PLXDC2: variants seen among roughly 807,000 people sequenced by gnomAD.
The protein encoded by PLXDC2 is plexin domain-containing protein 2.
In PLXDC2, 40 loss-of-function variants were observed where a neutral mutation model predicts 68.9. The ratio of observed to expected loss-of-function variants is 0.58; its 90% confidence interval spans 0.45 to 0.76. The LOEUF is 0.76. Ranked by LOEUF, PLXDC2 falls within the 30% of genes least tolerant of loss-of-function variation. PLXDC2 has a pLI of 0.00. For synonymous variants in PLXDC2, 243 were observed against 234.2 expected, an observed-to-expected ratio of 1.04 and a Z score of -0.34; for missense variants, 644 against 661.9, an observed-to-expected ratio of 0.97 and a Z score of 0.30.
intron 1 of PLXDC2, among the ~76,000 whole-genome samples, chr10:19,835,222 C>T (rs912047830): frequency 3.3e-5 from 5 of 152,274 alleles, no homozygotes; most frequent in Middle Eastern, 3.4e-3. Flanking sequence ...TGAGCCACCG[C>T]ACCCAGACAG....
At chr10:20,099,053 A>G (rs1400990690) in intron 4 of PLXDC2, among the ~76,000 whole-genome samples, 1 of 152,172 alleles carries the variant, frequency 6.6e-6, no homozygotes, top group Non-Finnish European at 1.5e-5. Flanking sequence ...AACAACTGTC[A>G]TTTTCAGACT....
chr10:19,919,381 G>A (rs1273535502), intron 1 of PLXDC2, among the ~76,000 whole-genome samples: 1 of 151,978 alleles, frequency 6.6e-6, no homozygotes. Flanking sequence ...TAACAGGAAT[G>A]CAGCTTGCTG....
chr10:20,234,163 A>C (rs867861110), intron 12 of PLXDC2, among the ~76,000 whole-genome samples: 2 of 152,246 alleles, frequency 1.3e-5, no homozygotes, highest in African/African-American at 4.8e-5. Context: ...AGGGAACCTT[A>C]ACTTCTTCTT....
At chr10:20,021,550 C>G (rs939735705) in intron 2 of PLXDC2, among the ~76,000 whole-genome samples, 10 of 151,978 alleles carry the variant, frequency 6.6e-5, no homozygotes, top group Non-Finnish European at 1.5e-4. Context: ...CATATTAATC[C>G]TCATCCTGAC....
At position 19,979,243 on chromosome 10, in the gene PLXDC2, G is replaced by A. The variant is rs182933566; in HGVS notation, c.113-22532G>A. 6.8e-4 allele frequency among the ~76,000 whole-genome samples: 104 copies of A among 152,254 alleles called. 2 individuals are homozygous for A. Among genetic ancestry groups the A allele is most frequent in the African/African-American group, 2.3e-3 (95 of 41,556 alleles). On this transcript the variant is annotated intron_variant, in intron 1 of 13. Transcript: ENST00000377252. ...AAAGCCAATTTTGTGATACCTCTGC[G>A]TGATACTAACTTTGTGCCTCCTGAG...
intron 4 of PLXDC2, among the ~76,000 whole-genome samples, chr10:20,082,309 C>T (rs1159112464): frequency 2.0e-5 from 3 of 151,558 alleles, no homozygotes; most frequent in African/African-American, 7.3e-5. Context: ...ACAAAGGTAT[C>T]ATACCTTTGT....
chr10:20,243,780 C>T (rs1279765388), intron 12 of PLXDC2, among the ~76,000 whole-genome samples: 1 of 152,120 alleles, frequency 6.6e-6, no homozygotes, highest in Admixed American at 6.5e-5. Context: ...TTATTGAGGC[C>T]GGGTGCAAAG....
At chr10:20,178,664 A>G (rs539898003) in intron 9 of PLXDC2, among the ~76,000 whole-genome samples, 2 of 152,264 alleles carry the variant, frequency 1.3e-5, no homozygotes, top group South Asian at 4.1e-4. Flanking sequence ...GGAATACTTT[A>G]AAACTTATTG....
At chr10:20,224,099 A>G (rs1353062703) in intron 12 of PLXDC2, among the ~76,000 whole-genome samples, 1 of 151,078 alleles carries the variant, frequency 6.6e-6, no homozygotes, top group Non-Finnish European at 1.5e-5. Context: ...TCAGCCTCCC[A>G]AGTAGCTGGG....
chr10:19,924,763 A>G (rs182422112), intron 1 of PLXDC2, among the ~76,000 whole-genome samples: 92 of 152,358 alleles, frequency 6.0e-4, no homozygotes, highest in African/African-American at 2.0e-3. Context: ...TGGTAAAGAC[A>G]TTCAACTTCT....
At chr10:20,116,265 C>T (rs1259029607) in intron 4 of PLXDC2, among the ~76,000 whole-genome samples, 1 of 152,114 alleles carries the variant, frequency 6.6e-6, no homozygotes, top group African/African-American at 2.4e-5. Flanking sequence ...TTCTTTTTCC[C>T]CCCCGGAAAA....
chr10:19,959,268 A>G (rs1834119037), intron 1 of PLXDC2, among the ~76,000 whole-genome samples: 2 of 152,216 alleles, frequency 1.3e-5, no homozygotes, highest in South Asian at 4.1e-4. Context: ...TAATAAAGAT[A>G]CCTGGAATGA....
intron 4 of PLXDC2, among the ~76,000 whole-genome samples, chr10:20,068,823 GTTAGT>G (rs1166071136): frequency 6.6e-6 from 1 of 151,944 alleles, no homozygotes; most frequent in Non-Finnish European, 1.5e-5. Context: ...AAGCTTGGAG[GTTAGT>G]TTAGAGATTA....
intron 9 of PLXDC2, among the ~76,000 whole-genome samples, chr10:20,196,724 G>C (rs1834842849): frequency 6.6e-6 from 1 of 152,130 alleles, no homozygotes; most frequent in Admixed American, 6.6e-5. Context: ...AAAATATTGA[G>C]AAATAGTGTC....
intron 4 of PLXDC2, among the ~76,000 whole-genome samples, chr10:20,073,583 A>T (rs1222158290): frequency 6.6e-6 from 1 of 152,162 alleles, no homozygotes; most frequent in African/African-American, 2.4e-5. Flanking sequence ...AATCATCCTT[A>T]TGTACAAAGT....
At chr10:19,982,061 G>A (rs2131620624) in intron 1 of PLXDC2, among the ~76,000 whole-genome samples, 1 of 152,292 alleles carries the variant, frequency 6.6e-6, no homozygotes, top group East Asian at 1.9e-4. Flanking sequence ...AGAATATATA[G>A]TATTCATGAT....
intron 4 of PLXDC2, among the ~76,000 whole-genome samples, chr10:20,124,251 A>G (rs1833740358): frequency 6.6e-6 from 1 of 152,134 alleles, no homozygotes. Context: ...CACGGATAAA[A>G]CGTGTCTCCT....
intron 4 of PLXDC2, among the ~76,000 whole-genome samples, chr10:20,100,655 A>T (rs957002931): frequency 6.6e-6 from 1 of 152,316 alleles, no homozygotes; most frequent in East Asian, 1.9e-4. Flanking sequence ...AGAGTAATTG[A>T]TAACAGCTTA....
At chr10:20,137,657 C>T in intron 4 of PLXDC2, among the ~76,000 whole-genome samples, 1 of 152,170 alleles carries the variant, frequency 6.6e-6, no homozygotes, top group East Asian at 1.9e-4. Flanking sequence ...AGTATAAAAT[C>T]CAATGAGGGA....
Sources: gnomAD v4.1 joint callset for allele counts (sites outside exome capture counted in the v4.1 genomes callset) on GRCh38, gnomAD v4.1.1 for gene constraint, MANE v1.5 for transcripts, NCBI Gene and HGNC (gene_info 2026-07-23, HGNC 2026-07-21) for gene names.